The following ARHGAP24 variants were observed in gnomAD, a reference collection of about 807,000 sequenced individuals.
ARHGAP24 encodes Rho GTPase activating protein 24, also known as rho GTPase-activating protein 24.
Under a neutral mutation model 76.4 loss-of-function variants are expected in ARHGAP24, and 50 were observed. The observed-to-expected ratio is 0.65, with a 90% CI of 0.52 to 0.83. ARHGAP24 has a LOEUF of 0.83. Ranked by LOEUF, ARHGAP24 falls within the 40% of genes least tolerant of loss-of-function variation. The probability of loss-of-function intolerance (pLI) is 0.00; values close to 1 mark genes in which losing one functional copy is unlikely to be tolerated. For missense variants in ARHGAP24, 930 were observed against 914.2 expected (o/e 1.02, Z -0.22); for synonymous variants, 345 against 323.3 (o/e 1.07, Z -0.72).
intron 9 of ARHGAP24, 21 bp downstream of exon 9, chr4:85,995,678 G>A (rs556838692): frequency 8.1e-6 from 13 of 1,606,566 alleles, no homozygotes; most frequent in East Asian, 4.5e-5. Context: ...TCTGGAGGTC[G>A]TAACTACCAG....
At chr4:85,698,560 T>C (rs1412664268) in intron 2 of ARHGAP24, among the ~76,000 whole-genome samples, 3 of 152,172 alleles carry the variant, frequency 2.0e-5, no homozygotes, top group African/African-American at 7.2e-5. Flanking sequence ...ATTGTAGTGG[T>C]CTGTTAATCT....
At chr4:85,721,194 G>A (rs560121736) in intron 2 of ARHGAP24, among the ~76,000 whole-genome samples, 22 of 152,120 alleles carry the variant, frequency 1.4e-4, no homozygotes, top group Non-Finnish European at 2.4e-4. Flanking sequence ...TCAGGAGTTC[G>A]AGACTAGCCT....
intron 2 of ARHGAP24, among the ~76,000 whole-genome samples, chr4:85,618,687 G>T (rs1435009618): frequency 6.6e-6 from 1 of 152,086 alleles, no homozygotes; most frequent in East Asian, 1.9e-4. Flanking sequence ...GGGGTGAGAT[G>T]ATATCTCATT....
At chr4:85,764,121 T>C (rs2869382) in intron 3 of ARHGAP24, among the ~76,000 whole-genome samples, 136,287 of 152,098 alleles carry the variant, frequency 0.9, 62,995 homozygotes, top group East Asian at 1. Context: ...TTACTAACAA[T>C]GAGAGTTTCT....
intron 2 of ARHGAP24, among the ~76,000 whole-genome samples, chr4:85,651,654 A>G (rs1439978515): frequency 7.1e-6 from 1 of 141,468 alleles, no homozygotes; most frequent in Non-Finnish European, 1.5e-5. Flanking sequence ...AACTGTGAAC[A>G]TAGTAACACA....
At chr4:85,766,326 A>G (rs1578208463) in intron 3 of ARHGAP24, among the ~76,000 whole-genome samples, 1 of 152,272 alleles carries the variant, frequency 6.6e-6, no homozygotes, top group Admixed American at 6.5e-5. Context: ...CTGTACTTAC[A>G]TAGAGGTCTT....
chr4:85,965,942 G>T (rs1232059249), intron 5 of ARHGAP24, among the ~76,000 whole-genome samples: 1 of 152,114 alleles, frequency 6.6e-6, no homozygotes, highest in African/African-American at 2.4e-5. Flanking sequence ...TAGACTTGGG[G>T]GTTGTTTTAG....
chr4:85,712,315 T>A lies in ARHGAP24; in HGVS notation c.181-9570T>A, dbSNP rs1045963795. On this transcript the variant is annotated intron_variant, in intron 2 of 9. Coordinates refer to ENST00000395184, the MANE Select transcript of ARHGAP24 (RefSeq NM_001025616.3). Reference sequence around the variant, plus strand: ...GCACACCCTGGATTCTCCCCAAAAATGATTGACTAATTAACTGTTAGGACC... The same window carrying A: ...GCACACCCTGGATTCTCCCCAAAAAAGATTGACTAATTAACTGTTAGGACC... Among the ~76,000 whole-genome samples, 8 of 152,212 alleles carry A rather than the reference T, an allele frequency of 5.3e-5. No homozygotes were observed. The East Asian group carries it at 1.2e-3, about 22-fold the overall frequency.
chr4:85,666,563 G>T (rs1722627226), intron 2 of ARHGAP24, among the ~76,000 whole-genome samples: 1 of 152,198 alleles, frequency 6.6e-6, no homozygotes, highest in Admixed American at 6.5e-5. Context: ...TGGAGGAGGA[G>T]AGGCACTCTG....
chr4:85,997,943 C>T, intron 9 of ARHGAP24, among the ~76,000 whole-genome samples: 1 of 152,170 alleles, frequency 6.6e-6, no homozygotes, highest in Non-Finnish European at 1.5e-5. Flanking sequence ...AGGCATAAGC[C>T]ATGGCACTCA....
chr4:85,522,769 G>A (rs965665142), intron 1 of ARHGAP24, among the ~76,000 whole-genome samples: 1 of 152,124 alleles, frequency 6.6e-6, no homozygotes, highest in African/African-American at 2.4e-5. Flanking sequence ...TGCCTGTTTT[G>A]CTATCATGTA....
rs537497164 is a variant in ARHGAP24, at chr4:85,885,540, CTGAAAGTTAAAAATT to C, written c.269-38103_269-38089del. 6.0e-3 allele frequency among the ~76,000 whole-genome samples: 914 copies of C among 152,140 alleles called. 10 individuals are homozygous for C. The highest frequency in any genetic ancestry group is 0.021 in the African/African-American group (852 of 41,516). On this transcript the variant is annotated intron_variant, in intron 3 of 9. Transcript: ENST00000395184. ...CTTTTTGAAAGGTTATTAAGTGTCT[CTGAAAGTTAAAAATT>C]TGAAGTATAACAAAACCATTCTTGG... is the stretch of plus-strand genomic sequence containing the variant.
At chr4:85,705,405 T>G (rs1023889016) in intron 2 of ARHGAP24, among the ~76,000 whole-genome samples, 1 of 152,224 alleles carries the variant, frequency 6.6e-6, no homozygotes, top group African/African-American at 2.4e-5. Context: ...ATTACTTGAA[T>G]GAATATAATA....
intron 3 of ARHGAP24, among the ~76,000 whole-genome samples, chr4:85,738,968 C>T (rs182559574): frequency 6.6e-6 from 1 of 152,322 alleles, no homozygotes; most frequent in Non-Finnish European, 1.5e-5. Flanking sequence ...CTGCCGCCTG[C>T]TGTCTATTTT....
rs1298655543 is a variant in ARHGAP24, at chr4:85,623,135, C to T, written c.180+52414C>T. The stretch of plus-strand genomic sequence containing the variant: ...ATTTGTCAATTTTGGCTTCTGTTGC[C>T]GTTGCTTTTGGTGTTTTAGACACGA... On this transcript the variant is annotated intron_variant, in intron 2 of 9. Transcript: ENST00000395184. Among the ~76,000 whole-genome samples, 11 of 152,262 alleles carry T rather than the reference C, an allele frequency of 7.2e-5. No homozygotes were observed. In the East Asian group the frequency reaches 1.2e-3, roughly 16 times the overall value.
At chr4:85,694,379 T>C (rs1409073877) in intron 2 of ARHGAP24, among the ~76,000 whole-genome samples, 1 of 152,076 alleles carries the variant, frequency 6.6e-6, no homozygotes, top group Non-Finnish European at 1.5e-5. Flanking sequence ...CTGGCATATA[T>C]CAAAAATTCA....
At chr4:85,683,105 TGTGTGGGGGG>T (rs1470426896) in intron 2 of ARHGAP24, among the ~76,000 whole-genome samples, 5 of 13,200 alleles carry the variant, frequency 3.8e-4, no homozygotes, top group South Asian at 2.4e-3. Flanking sequence ...ACTCTCTCAG[TGTGTGGGGGG>T]GTGGGGGGGG....
chr4:85,584,609 AT>A (rs1560541860), intron 2 of ARHGAP24, among the ~76,000 whole-genome samples: 1 of 151,934 alleles, frequency 6.6e-6, no homozygotes, highest in African/African-American at 2.4e-5. Context: ...AAAGAAAAAA[AT>A]CTATATCCCA....
chr4:85,709,553 A>G (rs1032817679), intron 2 of ARHGAP24, among the ~76,000 whole-genome samples: 3 of 152,264 alleles, frequency 2.0e-5, no homozygotes, highest in Non-Finnish European at 4.4e-5. Context: ...AAAAGCATCC[A>G]TTTTACTACT....
Sources: gnomAD v4.1 joint callset for allele counts (sites outside exome capture counted in the v4.1 genomes callset) on GRCh38, gnomAD v4.1.1 for gene constraint, MANE v1.5 for transcripts, NCBI Gene and HGNC (gene_info 2026-07-23, HGNC 2026-07-21) for gene names.